The following NRXN1 variants were observed in gnomAD, a reference collection of about 807,000 sequenced individuals.
NRXN1 encodes the protein neurexin-1.
Under a neutral mutation model 150.9 loss-of-function variants are expected in NRXN1, and 39 were observed. That is an observed-to-expected ratio of 0.26 (90% confidence interval 0.20 to 0.34). NRXN1 has a LOEUF of 0.34. NRXN1 is among the 10% of genes least tolerant of loss of function. The pLI is 1.00. For synonymous variants in NRXN1, 924 were observed against 757.0 expected (o/e 1.22, Z -3.62); for missense variants, 1,815 against 1,949.9 (o/e 0.93, Z 1.30).
chr2:50,821,955 A>G (rs1669801129), intron 5 of NRXN1, among the ~76,000 whole-genome samples: 1 of 152,136 alleles, frequency 6.6e-6, no homozygotes, highest in Admixed American at 6.5e-5. Flanking sequence ...GGGAAAATAC[A>G]GAATGAAAAG....
intron 5 of NRXN1, among the ~76,000 whole-genome samples, chr2:50,734,579 C>T (rs1024230101): frequency 6.6e-6 from 1 of 152,050 alleles, no homozygotes; most frequent in Non-Finnish European, 1.5e-5. Context: ...AGAACAAGCA[C>T]CTGGCTCAAA....
intron 5 of NRXN1, among the ~76,000 whole-genome samples, chr2:50,906,348 A>C (rs879815515): frequency 5.3e-5 from 8 of 152,072 alleles, no homozygotes; most frequent in African/African-American, 1.2e-4. Flanking sequence ...ATTCACCTAG[A>C]GTCTTCTCAT....
intron 5 of NRXN1, among the ~76,000 whole-genome samples, chr2:50,778,737 C>T (rs1703978112): frequency 6.6e-6 from 1 of 152,126 alleles, no homozygotes; most frequent in South Asian, 2.1e-4. Flanking sequence ...TACAGTTTCC[C>T]TGTCTACCCA....
At position 50,552,569 on chromosome 2, in the gene NRXN1, G is replaced by A; in HGVS notation, c.1759+18C>T. On this transcript the variant is annotated intron_variant, in intron 9 of 22. Transcript: ENST00000401669. ...GGTGCTCCAGCAGATAAACAGCATA[G>A]AAAAATGATAAGATTACCTGACCGT... The A allele has an allele frequency of 6.3e-7, 1 of 1,593,628 alleles. No homozygotes were observed. Among genetic ancestry groups the A allele is most frequent in the East Asian group, 2.2e-5 (1 of 44,596 alleles).
intron 17 of NRXN1, among the ~76,000 whole-genome samples, chr2:50,385,706 C>T (rs1466859618): frequency 1.3e-5 from 2 of 152,090 alleles, no homozygotes; most frequent in Non-Finnish European, 2.9e-5. Flanking sequence ...CAACCTTCAT[C>T]ACTTAGAATA....
At chr2:49,998,863 A>G (rs1683432727) in intron 21 of NRXN1, among the ~76,000 whole-genome samples, 1 of 152,082 alleles carries the variant, frequency 6.6e-6, no homozygotes, top group African/African-American at 2.4e-5. Context: ...TCTCACTGGC[A>G]TGCTGTATGT....
At chr2:49,956,728 AT>A (rs1455440373) in intron 21 of NRXN1, among the ~76,000 whole-genome samples, 1 of 152,150 alleles carries the variant, frequency 6.6e-6, no homozygotes, top group Non-Finnish European at 1.5e-5. Flanking sequence ...AAATCTGGAA[AT>A]GTTTCTATGA....
At chr2:50,859,790 G>A (rs1213349532) in intron 5 of NRXN1, among the ~76,000 whole-genome samples, 5 of 150,440 alleles carry the variant, frequency 3.3e-5, no homozygotes, top group Admixed American at 1.3e-4. Context: ...ATACACACAC[G>A]CACATATTAT....
intron 17 of NRXN1, among the ~76,000 whole-genome samples, chr2:50,398,393 G>A (rs988474806): frequency 2.6e-5 from 4 of 151,922 alleles, no homozygotes; most frequent in African/African-American, 4.8e-5. Flanking sequence ...CTATTCAAAC[G>A]CAATGTTATT....
intron 18 of NRXN1, chr2:50,207,494 C>T (rs1275559348): frequency 6.5e-6 from 1 of 153,166 alleles, no homozygotes; most frequent in African/African-American, 2.4e-5. Flanking sequence ...ATATCTTCCC[C>T]TTAATCTTCT....
intron 22 of NRXN1, among the ~76,000 whole-genome samples, chr2:49,923,578 T>C (rs1335096889): frequency 6.6e-6 from 1 of 152,224 alleles, no homozygotes; most frequent in Non-Finnish European, 1.5e-5. Context: ...ATTTCGCTAC[T>C]ACTAAACATC....
chr2:50,923,705 C>T (rs1439076404), intron 3 of NRXN1, among the ~76,000 whole-genome samples: 1 of 151,746 alleles, frequency 6.6e-6, no homozygotes, highest in African/African-American at 2.4e-5. Context: ...GAGAAATACA[C>T]ATTTATCAGT....
chr2:50,859,136 T>A (rs1184290849), intron 5 of NRXN1, among the ~76,000 whole-genome samples: 1 of 151,812 alleles, frequency 6.6e-6, no homozygotes, highest in Non-Finnish European at 1.5e-5. Flanking sequence ...AAGGGTACAT[T>A]TTTTTTTCCT....
intron 8 of NRXN1, among the ~76,000 whole-genome samples, chr2:50,558,527 A>T (rs576829801): frequency 3.3e-4 from 51 of 152,338 alleles, no homozygotes; most frequent in African/African-American, 1.1e-3. Context: ...ACAAGTAAGT[A>T]GAGGAATTTA....
chr2:50,984,124 C>T (rs544987274), intron 2 of NRXN1, among the ~76,000 whole-genome samples: 19 of 147,238 alleles, frequency 1.3e-4, no homozygotes, highest in African/African-American at 3.8e-4. Flanking sequence ...CTCACTGCCA[C>T]GCCAGGCTAA....
At chr2:50,881,412 C>T (rs1240911384) in intron 5 of NRXN1, among the ~76,000 whole-genome samples, 3 of 151,820 alleles carry the variant, frequency 2.0e-5, no homozygotes, top group East Asian at 3.9e-4. Context: ...CAATGTTATT[C>T]GGCTATAAAT....
chr2:50,146,745 T>A (rs1458923065), intron 18 of NRXN1, among the ~76,000 whole-genome samples: 2 of 151,676 alleles, frequency 1.3e-5, no homozygotes, highest in Admixed American at 1.3e-4. Context: ...CCAAGTTTTC[T>A]TTGAATAATC....
chr2:50,220,638 A>C (rs1352659840), intron 18 of NRXN1, among the ~76,000 whole-genome samples: 2 of 152,054 alleles, frequency 1.3e-5, no homozygotes, highest in Non-Finnish European at 2.9e-5. Flanking sequence ...GGATTTTTGC[A>C]AAAACCCATT....
rs559485346 is a variant in NRXN1 at position 50,143,059 on chromosome 2, A to G, written c.3547-51565T>C. On this transcript the variant is annotated intron_variant, in intron 18 of 22. Transcript: ENST00000401669. The stretch of plus-strand genomic sequence containing the variant: ...GCCTGTTTGGTTAACATTTTATACC[A>G]TGCAATGTTAGGTTGAGAACTAAAC... Among the ~76,000 whole-genome samples, 10 of 152,048 alleles carry G rather than the reference A, an allele frequency of 6.6e-5. No individual in the cohort carries two copies. In the East Asian group the frequency reaches 1.9e-3, roughly 29 times the overall value.
Sources: gnomAD v4.1 joint callset for allele counts (sites outside exome capture counted in the v4.1 genomes callset) on GRCh38, gnomAD v4.1.1 for gene constraint, MANE v1.5 for transcripts, NCBI Gene and HGNC (gene_info 2026-07-23, HGNC 2026-07-21) for gene names.